Variants in RBFOX1 observed in about 807,000 individuals in gnomAD.
The protein encoded by RBFOX1 is RNA binding protein fox-1 homolog 1.
Under a neutral mutation model 57.7 loss-of-function variants are expected in RBFOX1, and 8 were observed. The ratio of observed to expected loss-of-function variants is 0.14; its 90% confidence interval spans 0.08 to 0.25. RBFOX1 has a LOEUF of 0.25. Among genes scored for constraint, RBFOX1 ranks in the 10% least tolerant of loss-of-function variants. The probability of loss-of-function intolerance (pLI) is 1.00; values close to 1 mark genes in which losing one functional copy is unlikely to be tolerated. For synonymous variants in RBFOX1, 326 were observed against 222.4 expected, an observed-to-expected ratio of 1.47 and a Z score of -4.15; for missense variants, 611 against 548.5, an observed-to-expected ratio of 1.11 and a Z score of -1.14.
intron 4 of RBFOX1, among the ~76,000 whole-genome samples, chr16:7,233,744 TAAC>T (rs771050202): frequency 1.2e-4 from 18 of 152,176 alleles, no homozygotes; most frequent in Non-Finnish European, 1.9e-4. Context: ...CAGAGAAACA[TAAC>T]AACATTTGGG....
intron 4 of RBFOX1, among the ~76,000 whole-genome samples, chr16:7,056,313 C>G (rs563553122): frequency 6.6e-6 from 1 of 152,124 alleles, no homozygotes; most frequent in Non-Finnish European, 1.5e-5. Context: ...TTCCTCCGTC[C>G]CAAGGTTTGT....
At chr16:5,639,480 G>A (rs551645345) in intron 3 of RBFOX1, among the ~76,000 whole-genome samples, 3 of 152,236 alleles carry the variant, frequency 2.0e-5, no homozygotes, top group African/African-American at 2.4e-5. Context: ...AGAAGGCCTC[G>A]GAACACTGGG....
intron 3 of RBFOX1, among the ~76,000 whole-genome samples, chr16:6,956,860 A>C (rs2081956899): frequency 6.6e-6 from 1 of 152,106 alleles, no homozygotes; most frequent in Non-Finnish European, 1.5e-5. Context: ...TGGGTATTCA[A>C]GGTGACTTCT....
intron 4 of RBFOX1, among the ~76,000 whole-genome samples, chr16:5,918,472 G>A (rs2041259): frequency 1.3e-5 from 2 of 152,016 alleles, no homozygotes; most frequent in East Asian, 3.9e-4. Context: ...ACATCCCAGA[G>A]CATGCACCTA....
rs1042316247 is a variant in RBFOX1 at position 7,188,012 on chromosome 16, T to C, written c.27+135914T>C. Among the ~76,000 whole-genome samples, 7 of 152,340 alleles carry C rather than the reference T, an allele frequency of 4.6e-5. No individual in the cohort carries two copies. In the East Asian group the frequency reaches 1.2e-3, roughly 25 times the overall value. On this transcript the variant is annotated intron_variant, in intron 4 of 15. Transcript: ENST00000550418. ...TCTGACTGTGTGCTAGCCATAGTTA[T>C]CTCTAGATAGTGAGATTATAGGCCA...
intron 3 of RBFOX1, among the ~76,000 whole-genome samples, chr16:6,997,783 C>G (rs1258570965): frequency 6.6e-6 from 1 of 151,964 alleles, no homozygotes; most frequent in Non-Finnish European, 1.5e-5. Context: ...TACTCAATTC[C>G]CTGTTTCTCT....
At chr16:5,914,089 G>C (rs1345414239) in intron 4 of RBFOX1, among the ~76,000 whole-genome samples, 2 of 152,188 alleles carry the variant, frequency 1.3e-5, no homozygotes, top group Non-Finnish European at 2.9e-5. Flanking sequence ...AGATGTCTTG[G>C]GGACTTTCAA....
At chr16:6,133,269 T>C (rs969918867) in intron 1 of RBFOX1, among the ~76,000 whole-genome samples, 1 of 152,198 alleles carries the variant, frequency 6.6e-6, no homozygotes, top group African/African-American at 2.4e-5. Flanking sequence ...GCAGAGTTGA[T>C]TGTGCTATCT....
At chr16:7,175,701 G>T (rs1051722250) in intron 4 of RBFOX1, among the ~76,000 whole-genome samples, 2 of 152,164 alleles carry the variant, frequency 1.3e-5, no homozygotes, top group African/African-American at 4.8e-5. Flanking sequence ...CAAGCTTCCC[G>T]AGGTTACCTC....
intron 3 of RBFOX1, among the ~76,000 whole-genome samples, chr16:5,720,887 T>C (rs1022734278): frequency 6.6e-6 from 1 of 152,176 alleles, no homozygotes; most frequent in Non-Finnish European, 1.5e-5. Flanking sequence ...TTGTTCTTAG[T>C]TTTCAAGATT....
At chr16:6,184,045 CATGTTTTA>C (rs2097088659) in intron 1 of RBFOX1, among the ~76,000 whole-genome samples, 1 of 152,140 alleles carries the variant, frequency 6.6e-6, no homozygotes, top group South Asian at 2.1e-4. Flanking sequence ...AGGCAAAAGG[CATGTTTTA>C]CATGGTGGCA....
intron 3 of RBFOX1, among the ~76,000 whole-genome samples, chr16:6,729,289 T>A (rs1283826139): frequency 6.6e-6 from 1 of 152,148 alleles, no homozygotes; most frequent in Admixed American, 6.5e-5. Flanking sequence ...ACGATCAAGA[T>A]TTGTTTAGAA....
At chr16:6,757,939 A>C (rs1022605358) in intron 3 of RBFOX1, among the ~76,000 whole-genome samples, 1 of 152,194 alleles carries the variant, frequency 6.6e-6, no homozygotes, top group Admixed American at 6.5e-5. Context: ...TAGTAAAAAA[A>C]GATTTTAAAC....
At chr16:6,728,673 C>T (rs2067813004) in intron 3 of RBFOX1, among the ~76,000 whole-genome samples, 1 of 152,054 alleles carries the variant, frequency 6.6e-6, no homozygotes, top group Non-Finnish European at 1.5e-5. Context: ...ATTCAAATAG[C>T]AATAAAATTG....
chr16:7,637,850 T>A (rs1470173083), intron 11 of RBFOX1, among the ~76,000 whole-genome samples: 2 of 152,174 alleles, frequency 1.3e-5, no homozygotes, highest in Non-Finnish European at 2.9e-5. Flanking sequence ...TCCAAATACC[T>A]CATAAATAGC....
At chr16:6,212,916 C>G (rs1323132379) in intron 1 of RBFOX1, among the ~76,000 whole-genome samples, 1 of 152,130 alleles carries the variant, frequency 6.6e-6, no homozygotes, top group Admixed American at 6.5e-5. Flanking sequence ...TGAAGGGCCA[C>G]CTACTTAGAA....
intron 4 of RBFOX1, among the ~76,000 whole-genome samples, chr16:7,345,209 G>T (rs982669982): frequency 3.9e-5 from 6 of 152,124 alleles, no homozygotes; most frequent in African/African-American, 1.4e-4. Flanking sequence ...TTACTCCCGG[G>T]GCTGTGGACA....
At chr16:5,771,144 C>T (rs530900370) in intron 3 of RBFOX1, among the ~76,000 whole-genome samples, 41 of 152,334 alleles carry the variant, frequency 2.7e-4, no homozygotes, top group African/African-American at 9.6e-4. Context: ...TTCACTAGAG[C>T]AACAGAAAAC....
At chr16:6,021,403 A>T in intron 1 of RBFOX1, among the ~76,000 whole-genome samples, 1 of 152,274 alleles carries the variant, frequency 6.6e-6, no homozygotes, top group South Asian at 2.1e-4. Flanking sequence ...TTAAGTGACC[A>T]CAGAGGCCCC....
Sources: gnomAD v4.1 joint callset for allele counts (sites outside exome capture counted in the v4.1 genomes callset) on GRCh38, gnomAD v4.1.1 for gene constraint, MANE v1.5 for transcripts, NCBI Gene and HGNC (gene_info 2026-07-23, HGNC 2026-07-21) for gene names.